Variants in DNAJC24 observed in about 807,000 individuals in gnomAD.
DNAJC24 encodes dnaJ homolog subfamily C member 24.
DNAJC24 carries 17 observed loss-of-function variants against 18.0 expected under a neutral mutation model. The observed-to-expected ratio is 0.94, with a 90% confidence interval of 0.65 to 1.42. The LOEUF (loss-of-function observed/expected upper bound fraction) is 1.42, where lower values mean the gene tolerates loss of function less well. Among genes scored for constraint, DNAJC24 ranks in the 40% most tolerant of loss-of-function variants. The probability of loss-of-function intolerance (pLI) is 0.00; values close to 1 mark genes in which losing one functional copy is unlikely to be tolerated. For synonymous variants in DNAJC24, 55 were observed against 57.7 expected (o/e 0.95, Z 0.21); for missense variants, 158 against 175.6 (o/e 0.90, Z 0.57).
intron 2 of DNAJC24, among the ~76,000 whole-genome samples, chr11:31,395,265 A>G (rs1952533902): frequency 6.6e-6 from 1 of 152,102 alleles, no homozygotes; most frequent in Non-Finnish European, 1.5e-5. Flanking sequence ...TATATGTACG[A>G]CATTTTGTTT....
intron 2 of DNAJC24, among the ~76,000 whole-genome samples, chr11:31,389,324 A>C (rs766893186): frequency 6.6e-6 from 1 of 152,176 alleles, no homozygotes; most frequent in African/African-American, 2.4e-5. Context: ...TTCCATGCAA[A>C]TTGAAACAAA....
At chr11:31,369,979 G>A (rs1470598406) in intron 1 of DNAJC24, 67 bp downstream of exon 1, 3 of 152,554 alleles carry the variant, frequency 2.0e-5, no homozygotes, top group Non-Finnish European at 4.4e-5. Context: ...AAAGCCGACT[G>A]TGAATGGAGA....
chr11:31,411,215 AG>A (rs1203029121), intron 2 of DNAJC24, among the ~76,000 whole-genome samples: 1 of 152,212 alleles, frequency 6.6e-6, no homozygotes, highest in Non-Finnish European at 1.5e-5. Flanking sequence ...ACCTAGGATT[AG>A]GGGCTTGTTT....
At chr11:31,374,813 G>A (rs1289924269) in intron 2 of DNAJC24, among the ~76,000 whole-genome samples, 1 of 133,966 alleles carries the variant, frequency 7.5e-6, no homozygotes, top group Admixed American at 7.7e-5. Context: ...TTTAGACTTA[G>A]GTTTCAGTTT....
chr11:31,416,007 T>A (rs1043199297), intron 3 of DNAJC24: 1 of 152,226 alleles, frequency 6.6e-6, no homozygotes, highest in African/African-American at 2.4e-5. Context: ...TTAAGGTTTC[T>A]TATAGGCTGT....
At chr11:31,413,163 A>G (rs2133496350) in intron 2 of DNAJC24, among the ~76,000 whole-genome samples, 1 of 152,224 alleles carries the variant, frequency 6.6e-6, no homozygotes, top group Non-Finnish European at 1.5e-5. Flanking sequence ...CACACTGATG[A>G]GTCATGAAAT....
chr11:31,371,039 G>T (rs535961481), intron 2 of DNAJC24, among the ~76,000 whole-genome samples, 180 bp downstream of exon 2: 40 of 152,286 alleles, frequency 2.6e-4, no homozygotes, highest in African/African-American at 9.4e-4. Flanking sequence ...GAAAAGCATG[G>T]TTAGGAGCAG....
At chr11:31,404,519 C>T (rs1564953534) in intron 2 of DNAJC24, among the ~76,000 whole-genome samples, 1 of 152,092 alleles carries the variant, frequency 6.6e-6, no homozygotes, top group Non-Finnish European at 1.5e-5. Context: ...GAGAGGAATG[C>T]CTGTGCTGTC....
At chr11:31,373,746 T>A (rs1350872966) in intron 2 of DNAJC24, among the ~76,000 whole-genome samples, 1 of 134,844 alleles carries the variant, frequency 7.4e-6, no homozygotes, top group African/African-American at 2.5e-5. Flanking sequence ...TCCTTCTCCT[T>A]ACTTAAGCCA....
intron 3 of DNAJC24, among the ~76,000 whole-genome samples, chr11:31,420,718 A>G (rs1952795613): frequency 6.6e-6 from 1 of 152,158 alleles, no homozygotes; most frequent in African/African-American, 2.4e-5. Flanking sequence ...CAGGTTTACT[A>G]ATTTGACTAA....
intron 3 of DNAJC24, among the ~76,000 whole-genome samples, chr11:31,420,007 G>C (rs1472825338): frequency 6.6e-6 from 1 of 151,890 alleles, no homozygotes; most frequent in Admixed American, 6.6e-5. Context: ...CATTTTGATT[G>C]ATCTAGCAGC....
intron 2 of DNAJC24, among the ~76,000 whole-genome samples, chr11:31,400,777 A>G (rs946052448): frequency 1.2e-4 from 18 of 152,238 alleles, no homozygotes; most frequent in African/African-American, 3.6e-4. Context: ...TTAAAAACCT[A>G]GAAGAAAACC....
chr11:31,428,187 GT>G (rs1952883738), intron 4 of DNAJC24, among the ~76,000 whole-genome samples: 1 of 151,986 alleles, frequency 6.6e-6, no homozygotes, highest in Non-Finnish European at 1.5e-5. Flanking sequence ...TATCATCAAT[GT>G]ATTATTGCCC....
At chr11:31,377,156 A>G (rs1442029548) in intron 2 of DNAJC24, among the ~76,000 whole-genome samples, 2 of 152,104 alleles carry the variant, frequency 1.3e-5, no homozygotes, top group Non-Finnish European at 2.9e-5. Flanking sequence ...ATTACATGTA[A>G]TTTTCTAAGT....
intron 2 of DNAJC24, among the ~76,000 whole-genome samples, chr11:31,391,408 C>T (rs1365520945): frequency 6.6e-6 from 1 of 151,954 alleles, no homozygotes; most frequent in East Asian, 1.9e-4. Context: ...GGAGCTTAAA[C>T]AATAGGGAAA....
rs11603996 is a variant in DNAJC24, at chr11:31,402,110, G to A, written c.112-12701G>A. The stretch of plus-strand genomic sequence containing the variant: ...TTACGTAAGCCATCCATATATAGAC[G>A]GTGTAGCCTACTACACATTGGGCTT... On this transcript the variant is annotated intron_variant, in intron 2 of 4. Coordinates refer to ENST00000465995, the MANE Select transcript of DNAJC24 (RefSeq NM_181706.5). Among the ~76,000 whole-genome samples, 711 of 152,164 alleles carry A rather than the reference G, an allele frequency of 4.7e-3. 6 individuals are homozygous for A. Among genetic ancestry groups the A allele is most frequent in the African/African-American group, 0.015 (635 of 41,498 alleles).
chr11:31,427,490 G>A (rs1160640874), intron 4 of DNAJC24: 1 of 151,944 alleles, frequency 6.6e-6, no homozygotes, highest in Non-Finnish European at 1.5e-5. Context: ...CTGCTGGTGT[G>A]TGGAAGGGAC....
At chr11:31,371,740 C>T (rs187283248) in intron 2 of DNAJC24, among the ~76,000 whole-genome samples, 35 of 151,132 alleles carry the variant, frequency 2.3e-4, no homozygotes, top group Admixed American at 3.3e-4. Context: ...CATATGTAGC[C>T]GGCATTTATA....
chr11:31,410,251 TTTTCCTAATAACTAATAAAAAGTTTA>T (rs1952695461), intron 2 of DNAJC24, among the ~76,000 whole-genome samples: 1 of 152,196 alleles, frequency 6.6e-6, no homozygotes, highest in Non-Finnish European at 1.5e-5. Flanking sequence ...TTAATTTGCA[TTTTCCTAATAACTAATAAAAAGTTTA>T]TTTCCTAATA....
Sources: gnomAD v4.1 joint callset for allele counts (sites outside exome capture counted in the v4.1 genomes callset) on GRCh38, gnomAD v4.1.1 for gene constraint, MANE v1.5 for transcripts, NCBI Gene and HGNC (gene_info 2026-07-23, HGNC 2026-07-21) for gene names.